Variants in JAZF1 observed in about 807,000 individuals in gnomAD.
JAZF1 encodes the protein juxtaposed with another zinc finger protein 1.
JAZF1 carries 8 observed loss-of-function variants against 26.4 expected under a neutral mutation model. The observed-to-expected ratio is 0.30, with a 90% confidence interval of 0.18 to 0.55. The LOEUF is 0.55. JAZF1 is among the 20% of genes least tolerant of loss of function. The probability of loss-of-function intolerance (pLI) is 0.94; values close to 1 mark genes in which losing one functional copy is unlikely to be tolerated. For missense variants in JAZF1, 199 were observed against 322.0 expected (o/e 0.62, Z 2.92); for synonymous variants, 126 against 122.3 (o/e 1.03, Z -0.20).
chr7:27,896,461 G>A (rs1784064274), intron 2 of JAZF1, among the ~76,000 whole-genome samples: 1 of 152,134 alleles, frequency 6.6e-6, no homozygotes. Flanking sequence ...CCACCACCTA[G>A]GCTAAGAAAC....
chr7:28,167,002 G>T (rs1480587600), intron 1 of JAZF1, among the ~76,000 whole-genome samples: 1 of 152,104 alleles, frequency 6.6e-6, no homozygotes, highest in Admixed American at 6.5e-5. Context: ...TGTGGCATAG[G>T]GAGCATCACC....
intron 3 of JAZF1, among the ~76,000 whole-genome samples, chr7:27,891,452 C>T (rs979299206): frequency 6.6e-6 from 1 of 151,976 alleles, no homozygotes; most frequent in South Asian, 2.1e-4. Context: ...TAAATGAATA[C>T]TTTTTCTATA....
At chr7:27,991,877 GGTT>G (rs768007317) in intron 2 of JAZF1, 29 bp downstream of exon 2, 6 of 1,146,504 alleles carry the variant, frequency 5.2e-6, no homozygotes, top group Non-Finnish European at 7.8e-6. Context: ...GCAGATATAA[GGTT>G]GTTATAATAA....
chr7:27,937,970 A>G (rs1389399170), intron 2 of JAZF1, among the ~76,000 whole-genome samples: 8 of 152,204 alleles, frequency 5.3e-5, no homozygotes, highest in Non-Finnish European at 5.9e-5. Context: ...AAACTTAGCA[A>G]TAGATCTTGG....
At chr7:27,969,596 T>C (rs982689467) in intron 2 of JAZF1, among the ~76,000 whole-genome samples, 2 of 152,068 alleles carry the variant, frequency 1.3e-5, no homozygotes, top group Non-Finnish European at 2.9e-5. Flanking sequence ...AGAGACTAAA[T>C]TACCACCTGC....
intron 1 of JAZF1, among the ~76,000 whole-genome samples, chr7:28,134,354 G>A (rs921320641): frequency 2.0e-5 from 3 of 152,108 alleles, no homozygotes; most frequent in Non-Finnish European, 4.4e-5. Context: ...AGGCTGGAGT[G>A]GAGTGGCACA....
chr7:28,029,582 G>A (rs185780360), intron 1 of JAZF1, among the ~76,000 whole-genome samples: 41 of 152,278 alleles, frequency 2.7e-4, no homozygotes, highest in Non-Finnish European at 5.3e-4. Flanking sequence ...AGAATGAAAG[G>A]CTACATGGGA....
At chr7:27,902,272 T>G (rs553279260) in intron 2 of JAZF1, among the ~76,000 whole-genome samples, 2 of 152,256 alleles carry the variant, frequency 1.3e-5, no homozygotes, top group Admixed American at 1.3e-4. Flanking sequence ...GAAACATTTC[T>G]GGACTCAAGG....
intron 2 of JAZF1, among the ~76,000 whole-genome samples, chr7:27,936,985 A>C (rs1386695963): frequency 2.0e-5 from 3 of 152,240 alleles, no homozygotes; most frequent in South Asian, 2.1e-4. Flanking sequence ...CTTGGGCTTT[A>C]CAGTTTTAAT....
At chr7:28,114,945 G>T (rs1364815080) in intron 1 of JAZF1, among the ~76,000 whole-genome samples, 1 of 152,140 alleles carries the variant, frequency 6.6e-6, no homozygotes, top group Non-Finnish European at 1.5e-5. Flanking sequence ...TTATCAAGAG[G>T]CCTGCAGTCC....
rs1462347603 is a variant in JAZF1 at position 28,019,081 on chromosome 7, T to G, written c.116-27100A>C. On this transcript the variant is annotated intron_variant, in intron 1 of 4. Coordinates refer to ENST00000283928, the MANE Select transcript of JAZF1 (RefSeq NM_175061.4). ...TATTTTTCAAATGTTCAGTCATCCT[T>G]GTGGCTCCTCTGTTTATCCTTGCCA... 2.0e-5 allele frequency among the ~76,000 whole-genome samples: 3 copies of G among 152,228 alleles called. No individual in the cohort carries two copies. The East Asian group carries it at 5.8e-4, about 29-fold the overall frequency.
At chr7:28,110,477 GGAAA>G in intron 1 of JAZF1, among the ~76,000 whole-genome samples, 1 of 63,090 alleles carries the variant, frequency 1.6e-5, no homozygotes, top group Non-Finnish European at 3.0e-5. Flanking sequence ...GGAAAGGAAA[GGAAA>G]GGAAAGGAAA....
At chr7:27,880,756 C>T (rs1049102881) in intron 3 of JAZF1, among the ~76,000 whole-genome samples, 9 of 152,138 alleles carry the variant, frequency 5.9e-5, no homozygotes, top group African/African-American at 1.9e-4. Flanking sequence ...CCTCAATCTC[C>T]CAGGCTCAGG....
intron 1 of JAZF1, among the ~76,000 whole-genome samples, chr7:28,137,682 C>T (rs11495981): frequency 0.3 from 45,040 of 152,036 alleles, 7,968 homozygotes; most frequent in East Asian, 0.74. Context: ...TCCACAGATG[C>T]CGTTTCTTAA....
At chr7:27,938,850 A>G (rs1784800348) in intron 2 of JAZF1, among the ~76,000 whole-genome samples, 1 of 147,444 alleles carries the variant, frequency 6.8e-6, no homozygotes, top group Admixed American at 6.9e-5. Flanking sequence ...CATGTTGCCC[A>G]GGCTGGTCTC....
At chr7:28,158,186 C>CACACACAGAGAGAGAGAG (rs149643430) in intron 1 of JAZF1, among the ~76,000 whole-genome samples, 1 of 143,346 alleles carries the variant, frequency 7.0e-6, no homozygotes, top group African/African-American at 2.6e-5. Flanking sequence ...CACACACACA[C>CACACACAGAGAGAGAGAG]AGAGAGAGAG....
At chr7:28,170,373 GTGTGTGTGTGTGTGTGTGTGTA>G (rs1562611270) in intron 1 of JAZF1, among the ~76,000 whole-genome samples, 2 of 105,870 alleles carry the variant, frequency 1.9e-5, no homozygotes, top group African/African-American at 6.6e-5. Context: ...GTGTGTGTGT[GTGTGTGTGTGTGTGTGTGTGTA>G]TGTGTGTATG....
At chr7:27,833,920 G>A (rs1469857849) in intron 4 of JAZF1, among the ~76,000 whole-genome samples, 6 of 152,148 alleles carry the variant, frequency 3.9e-5, no homozygotes, top group African/African-American at 7.2e-5. Context: ...AAGGGACGGC[G>A]GACGTGTGGT....
chr7:27,845,008 A>G (rs1399380553), intron 3 of JAZF1, among the ~76,000 whole-genome samples: 1 of 152,256 alleles, frequency 6.6e-6, no homozygotes, highest in East Asian at 1.9e-4. Context: ...CCCCGCCAGG[A>G]GACAGAAGAT....
Sources: gnomAD v4.1 joint callset for allele counts (sites outside exome capture counted in the v4.1 genomes callset) on GRCh38, gnomAD v4.1.1 for gene constraint, MANE v1.5 for transcripts, NCBI Gene and HGNC (gene_info 2026-07-23, HGNC 2026-07-21) for gene names.